The following MAPK3 variants were observed in gnomAD, a reference collection of about 807,000 sequenced individuals.
MAPK3 encodes MAPK 1.
In MAPK3, 30 loss-of-function variants were observed where a neutral mutation model predicts 41.8. The ratio of observed to expected loss-of-function variants is 0.72; its 90% confidence interval spans 0.54 to 0.97. The LOEUF is 0.97. Ranked by LOEUF, MAPK3 falls within the 50% of genes least tolerant of loss-of-function variation. The pLI, the probability that MAPK3 is intolerant of heterozygous loss-of-function variation, is 0.00. For missense variants in MAPK3, 413 were observed against 509.9 expected (o/e 0.81, Z 1.83); for synonymous variants, 222 against 213.4 (o/e 1.04, Z -0.35).
Position 30,117,302 on chromosome 16 carries a change from G to T in MAPK3, c.776-17C>A. The T allele has an allele frequency of 2.5e-6, 4 of 1,613,232 alleles. No homozygotes were observed. The South Asian group carries it at 4.4e-5, about 18-fold the overall frequency. On this transcript the variant is annotated splice_polypyrimidine_tract_variant and intron_variant, in intron 5 of 8. Coordinates refer to ENST00000263025, the MANE Select transcript of MAPK3 (RefSeq NM_002746.3). ...CCAGGATGCCTGTGGATAAGGAGGT[G>T]ACTTGGTAAATGATCACCTCTTTCT... is the stretch of plus-strand genomic sequence containing the variant.
chr16:30,118,615 C>T (rs12922100), intron 2 of MAPK3, 77 bp from the exon 3 acceptor site: 47,655 of 1,209,982 alleles, frequency 0.039, 1,203 homozygotes, highest in Middle Eastern at 0.066. Flanking sequence ...GCTCTGAAGG[C>T]GAGGCTGCAC....
intron 1 of MAPK3, 139 bp downstream of exon 1, chr16:30,122,901 G>C: frequency 1.4e-6 from 1 of 715,942 alleles, no homozygotes; most frequent in African/African-American, 1.9e-5. Flanking sequence ...TCCCTGGGAC[G>C]CTCCCGATCA....
Position 30,116,668 on chromosome 16 carries a change from C to CT in MAPK3, c.1139dup (p.Ter380=). Reference sequence around the variant, plus strand: ...CAGGGTGCAGAGATGTCTGTCTGGGCTAGGGGGCCTCCAGCACTCCGGGCT... The same window carrying CT: ...CAGGGTGCAGAGATGTCTGTCTGGGCTTAGGGGGCCTCCAGCACTCCGGGCT... The part of the protein sequence containing the change: ...RFQPGVLEAP[*] Residue 380 remains the stop codon, a frameshift_variant and stop_retained_variant, in exon 8 of 9, where the codon TAG becomes TAAG. Coordinates refer to ENST00000263025, the MANE Select transcript of MAPK3 (RefSeq NM_002746.3). LOFTEE classifies it high-confidence loss of function. 1 of 1,613,142 alleles carries CT rather than the reference C, an allele frequency of 6.2e-7. No homozygotes were observed. The highest frequency in any genetic ancestry group is 8.5e-7 in the Non-Finnish European group (1 of 1,179,966).
At chr16:30,122,101 G>A (rs1192733988) in intron 1 of MAPK3, 95 bp from the exon 2 acceptor site, 1 of 1,144,482 alleles carries the variant, frequency 8.7e-7, no homozygotes. Flanking sequence ...AGGGGAGAGA[G>A]CAGGAGCTGG....
rs964054313 is a variant in MAPK3, at chr16:30,117,426, G to A, written c.776-141C>T. On this transcript the variant is annotated intron_variant, in intron 5 of 8. Coordinates refer to ENST00000263025, the MANE Select transcript of MAPK3 (RefSeq NM_002746.3). ...ACCTCCTAGTCATTAGCATGGTGGTGCAGAGCAAGGGGGCTGGGTTCAGGC... is the reference window on the plus strand; with the variant it reads ...ACCTCCTAGTCATTAGCATGGTGGTACAGAGCAAGGGGGCTGGGTTCAGGC... 4 of 896,874 alleles carry A rather than the reference G, an allele frequency of 4.5e-6. No homozygotes were observed. In the African/African-American group the frequency reaches 6.6e-5, roughly 15 times the overall value. The allele number at this position is 896,874 out of a possible 1,614,324, so 55.6% of individuals were successfully genotyped here.
At position 30,117,885 on chromosome 16, in the gene MAPK3, G is replaced by A. The variant is rs1009573772; in HGVS notation, c.661-101C>T. On this transcript the variant is annotated intron_variant, in intron 4 of 8. Transcript: ENST00000263025. The stretch of plus-strand genomic sequence containing the variant: ...TCCAAGTTAGATCCAACACCAGGCA[G>A]AAGGCAGAGGCCTGGAGGGCTCAAT... The A allele has an allele frequency of 9.0e-6, 10 of 1,109,488 alleles. No homozygotes were observed. In the African/African-American group the frequency reaches 1.4e-4, roughly 15 times the overall value. The allele number at this position is 1,109,488 out of a possible 1,614,324, so 68.7% of individuals were successfully genotyped here. A position where few individuals can be genotyped will look rare whatever the true frequency, so the allele number is the denominator to read the frequency against.
intron 8 of MAPK3, among the ~76,000 whole-genome samples, chr16:30,116,424 C>T (rs1448509086): frequency 2.6e-5 from 4 of 151,566 alleles, no homozygotes; most frequent in Middle Eastern, 7.0e-3. Flanking sequence ...ATCCACTCCT[C>T]TCAGTCTCAG....
intron 5 of MAPK3, 38 bp downstream of exon 5, chr16:30,117,632 C>T (rs1729265668): frequency 6.6e-7 from 1 of 1,525,262 alleles, no homozygotes; most frequent in East Asian, 2.3e-5. Flanking sequence ...CTCGGAAAAG[C>T]TAATCATCCC....
chr16:30,116,587 T>C (rs1052310866), intron 8 of MAPK3, 49 bp downstream of exon 8: 18 of 1,551,078 alleles, frequency 1.2e-5, no homozygotes, highest in Admixed American at 1.8e-5. Flanking sequence ...TATACAGATA[T>C]AGATATTTAG....
intron 4 of MAPK3, 74 bp downstream of exon 4, chr16:30,117,973 G>A (rs1344385923): frequency 7.3e-6 from 10 of 1,372,128 alleles, no homozygotes; most frequent in South Asian, 1.2e-5. Flanking sequence ...GGGGGTCAGT[G>A]TCTGGCTCAG....
At chr16:30,122,719 G>A in intron 1 of MAPK3, 1 of 268,824 alleles carries the variant, frequency 3.7e-6, no homozygotes, top group Admixed American at 5.2e-5. Flanking sequence ...TCGCCTCCCC[G>A]AGAGTACTCA....
At chr16:30,122,881 A>C in intron 1 of MAPK3, 159 bp downstream of exon 1, 13 of 518,526 alleles carry the variant, frequency 2.5e-5, no homozygotes, top group East Asian at 3.9e-5. Context: ...GAAAGCACTC[A>C]GGGGCCCCCT....
At chr16:30,122,051 G>C in intron 1 of MAPK3, 45 bp from the exon 2 acceptor site, 1 of 1,605,220 alleles carries the variant, frequency 6.2e-7, no homozygotes. Context: ...TTACAAAGGG[G>C]GAGTCCGGGC....
rs1390478816 is a variant in MAPK3 at position 30,117,701 on chromosome 16, C to T, written c.744G>A (p.Lys248=). 23 of 1,613,982 alleles carry T rather than the reference C, an allele frequency of 1.4e-5. No individual in the cohort carries two copies. Among genetic ancestry groups the T allele is most frequent in the Non-Finnish European group, 1.8e-5 (21 of 1,179,970 alleles). The change falls in exon 5 of 9, where the codon AAG becomes AAA. Residue 248 remains lysine, a synonymous_variant. Transcript: ENST00000263025. ...TGTGGTTGAGCTGATCCAGGTAGTG[C>T]TTGCCAGGGAAGATGGGCCGGTTAG... ...MLSNRPIFPG[K]HYLDQLNHIL... is the part of the protein sequence containing the mutation.
At chr16:30,116,552 A>G (rs1417155570) in intron 8 of MAPK3, 84 bp downstream of exon 8, 2 of 1,405,758 alleles carry the variant, frequency 1.4e-6, no homozygotes, top group Non-Finnish European at 1.9e-6. Flanking sequence ...GTATGGAGGC[A>G]TGTACAGATA....
intron 8 of MAPK3, among the ~76,000 whole-genome samples, chr16:30,116,193 C>T (rs2072952760): frequency 6.6e-6 from 1 of 151,552 alleles, no homozygotes; most frequent in Admixed American, 6.6e-5. Context: ...TGCCTACGTG[C>T]CCGGCTAATT....
rs1441994509 is a variant in MAPK3, at chr16:30,118,063, A to G, written c.644T>C (p.Ile215Thr). ...CCCTCCTACCTTGGAGTTCAGCATG[A>G]TCTCTGGGGCCCGGTACCAGCGCGT... ...VATRWYRAPE[I>T]MLNSKGYTKS... The change falls in exon 4 of 9, where the codon ATC becomes ACC. Residue 215 changes from isoleucine to threonine, a missense_variant. By Grantham distance (89) the Ile-to-Thr change is moderately conservative. Coordinates refer to ENST00000263025, the MANE Select transcript of MAPK3 (RefSeq NM_002746.3). The G allele has an allele frequency of 6.2e-7, 1 of 1,613,838 alleles. No individual in the cohort carries two copies. Among genetic ancestry groups the G allele is most frequent in the Admixed American group, 1.7e-5 (1 of 59,960 alleles).
At chr16:30,119,233 A>G (rs2072992303) in intron 2 of MAPK3, among the ~76,000 whole-genome samples, 1 of 151,362 alleles carries the variant, frequency 6.6e-6, no homozygotes, top group South Asian at 2.1e-4. Context: ...CCTCTCTACT[A>G]CTCACTGGCT....
rs540798786 is a variant in MAPK3, at chr16:30,122,142, C to T, written c.171-136G>A. On this transcript the variant is annotated intron_variant, in intron 1 of 8. Coordinates refer to ENST00000263025, the MANE Select transcript of MAPK3 (RefSeq NM_002746.3). ...GTCAAATCATAAACAATGCTGGTTC[C>T]TTCCTGCTGTGGAGGCCTGGGATCT... The T allele has an allele frequency of 1.4e-4, 114 of 816,178 alleles. 1 individual carries two copies. The African/African-American group carries it at 1.6e-3, about 12-fold the overall frequency. The allele number at this position is 816,178 out of a possible 1,614,324, so 50.6% of individuals were successfully genotyped here.
Sources: gnomAD v4.1 joint callset for allele counts (sites outside exome capture counted in the v4.1 genomes callset) on GRCh38, gnomAD v4.1.1 for gene constraint, MANE v1.5 for transcripts, NCBI Gene and HGNC (gene_info 2026-07-23, HGNC 2026-07-21) for gene names.